NALF1: variants seen among roughly 807,000 people sequenced by gnomAD.
NALF1 encodes family with sequence similarity 155 member A.
A neutral mutation model predicts 48.4 loss-of-function variants in NALF1; 3 were observed. The ratio of observed to expected loss-of-function variants is 0.06; its 90% CI spans 0.03 to 0.16. The LOEUF (loss-of-function observed/expected upper bound fraction) is 0.16. Among genes scored for constraint, NALF1 ranks in the 10% least tolerant of loss-of-function variants. The pLI is 1.00. For missense variants in NALF1, 526 were observed against 571.5 expected (o/e 0.92, Z 0.81); for synonymous variants, 262 against 245.7 (o/e 1.07, Z -0.62).
intron 1 of NALF1, among the ~76,000 whole-genome samples, chr13:107,797,194 C>T (rs1214671027): frequency 6.6e-6 from 1 of 151,988 alleles, no homozygotes; most frequent in South Asian, 2.1e-4. Flanking sequence ...CTCATCACCT[C>T]CCATTTTTCT....
intron 1 of NALF1, among the ~76,000 whole-genome samples, chr13:107,238,730 A>G (rs1880404552): frequency 6.6e-6 from 1 of 152,172 alleles, no homozygotes; most frequent in African/African-American, 2.4e-5. Flanking sequence ...ATAATATCAA[A>G]TAACTAACTG....
chr13:107,707,580 A>G (rs1875434621), intron 1 of NALF1, among the ~76,000 whole-genome samples: 1 of 152,182 alleles, frequency 6.6e-6, no homozygotes, highest in African/African-American at 2.4e-5. Flanking sequence ...TAAATAAGCA[A>G]TTATTGAGCC....
In NALF1 at chr13:107,660,436, AACACACACACAC is replaced by A. The variant is rs201215515; in HGVS notation, c.915+205234_915+205245del. On this transcript the variant is annotated intron_variant, in intron 1 of 2. Transcript: ENST00000375915. ...TGACAGGGCAAGACTCTGTCTCAAA[AACACACACACAC>A]ACACACACACACACACACACACACA... Among the ~76,000 whole-genome samples the A allele has an allele frequency of 2.2e-3, 205 of 93,682 alleles. 1 individual carries two copies. The Middle Eastern group carries it at 0.027, about 12-fold the overall frequency. 61.5% of individuals were successfully genotyped at this position (93,682 alleles called of 152,430 possible).
intron 1 of NALF1, among the ~76,000 whole-genome samples, chr13:107,384,636 T>C (rs888268639): frequency 3.3e-5 from 5 of 152,232 alleles, no homozygotes; most frequent in African/African-American, 9.6e-5. Context: ...ATCTTTTTTT[T>C]CTAATCAGGC....
intron 1 of NALF1, among the ~76,000 whole-genome samples, chr13:107,279,043 C>CTTTTTTTTTTTTTTTTTTTT (rs200133690): frequency 4.1e-5 from 5 of 122,922 alleles, no homozygotes; most frequent in Admixed American, 8.9e-5. Context: ...TTCTTTTCTT[C>CTTTTTTTTTTTTTTTTTTTT]TTTTTTTTTT....
intron 1 of NALF1, among the ~76,000 whole-genome samples, chr13:107,608,896 C>G (rs933949864): frequency 6.6e-6 from 1 of 152,190 alleles, no homozygotes; most frequent in Non-Finnish European, 1.5e-5. Context: ...GCCGTGGGTT[C>G]CACGCACTCA....
chr13:107,671,016 T>C (rs1476610347), intron 1 of NALF1, among the ~76,000 whole-genome samples: 3 of 152,282 alleles, frequency 2.0e-5, no homozygotes, highest in East Asian at 1.9e-4. Flanking sequence ...GAATCAGTCA[T>C]TGAATCTCTC....
chr13:107,523,502 C>G (rs574551260), intron 1 of NALF1, among the ~76,000 whole-genome samples: 11 of 151,028 alleles, frequency 7.3e-5, no homozygotes, highest in African/African-American at 2.7e-4. Context: ...AGGTATATCT[C>G]CTAATGCTAT....
intron 1 of NALF1, among the ~76,000 whole-genome samples, chr13:107,409,340 A>C (rs747629483): frequency 6.6e-6 from 1 of 152,190 alleles, no homozygotes; most frequent in Admixed American, 6.6e-5. Flanking sequence ...GGAAGAAATT[A>C]ATCAGATCAT....
At chr13:107,205,144 T>A (rs895374636) in intron 2 of NALF1, among the ~76,000 whole-genome samples, 102 of 152,164 alleles carry the variant, frequency 6.7e-4, no homozygotes, top group African/African-American at 2.3e-3. Context: ...CTCCCAATGC[T>A]ATCCCTCCCC....
chr13:107,224,692 G>C (rs1468468613), intron 1 of NALF1, among the ~76,000 whole-genome samples: 2 of 151,934 alleles, frequency 1.3e-5, no homozygotes, highest in Non-Finnish European at 2.9e-5. Context: ...ATATATCAAG[G>C]CTCAAAGATA....
intron 1 of NALF1, among the ~76,000 whole-genome samples, chr13:107,433,387 C>G (rs1349046327): frequency 6.6e-6 from 1 of 152,140 alleles, no homozygotes; most frequent in Non-Finnish European, 1.5e-5. Context: ...ATCTTCTTAA[C>G]TAGTCACAGA....
chr13:107,248,346 G>A (rs1293981881), intron 1 of NALF1, among the ~76,000 whole-genome samples: 1 of 151,954 alleles, frequency 6.6e-6, no homozygotes, highest in East Asian at 1.9e-4. Flanking sequence ...TAGAATTCAG[G>A]TTAGAACCTA....
chr13:107,840,933 T>G (rs536421339), intron 1 of NALF1, among the ~76,000 whole-genome samples: 1 of 152,154 alleles, frequency 6.6e-6, no homozygotes, highest in Non-Finnish European at 1.5e-5. Flanking sequence ...CTGAAATCTT[T>G]CCTAATCCTT....
chr13:107,589,299 C>T (rs544039016), intron 1 of NALF1, among the ~76,000 whole-genome samples: 32 of 152,008 alleles, frequency 2.1e-4, no homozygotes, highest in African/African-American at 7.5e-4. Flanking sequence ...GGATGTTCTT[C>T]GGGGTCACGA....
intron 2 of NALF1, among the ~76,000 whole-genome samples, chr13:107,185,152 G>A (rs1483508767): frequency 6.6e-6 from 1 of 152,106 alleles, no homozygotes; most frequent in Non-Finnish European, 1.5e-5. Context: ...AGGCTGAGAG[G>A]CCTCCAGAAC....
At chr13:107,738,171 G>A (rs1876521876) in intron 1 of NALF1, among the ~76,000 whole-genome samples, 1 of 151,996 alleles carries the variant, frequency 6.6e-6, no homozygotes, top group South Asian at 2.1e-4. Flanking sequence ...TGACATTTTT[G>A]GGAATGCCCA....
intron 1 of NALF1, among the ~76,000 whole-genome samples, chr13:107,702,658 A>G (rs930318076): frequency 7.2e-5 from 11 of 152,138 alleles, no homozygotes; most frequent in Non-Finnish European, 1.6e-4. Context: ...TATTAAGCCC[A>G]GCATCCATTA....
chr13:107,225,609 C>T (rs1186705209), intron 1 of NALF1, among the ~76,000 whole-genome samples: 4 of 150,708 alleles, frequency 2.7e-5, no homozygotes, highest in African/African-American at 9.8e-5. Flanking sequence ...TTTCAACCAA[C>T]GAAATGGTGG....
Sources: allele counts gnomAD v4.1 joint callset (sites outside exome capture counted in the v4.1 genomes callset), GRCh38; gene constraint gnomAD v4.1.1; transcripts MANE v1.5; gene names NCBI Gene and HGNC (gene_info 2026-07-23, HGNC 2026-07-21).